The following GALNT13 variants were observed in gnomAD, a reference collection of about 807,000 sequenced individuals.
The protein encoded by GALNT13 is UDP-GalNAc:polypeptide N-acetylgalactosaminyltransferase 13.
A neutral mutation model predicts 64.2 loss-of-function variants in GALNT13; 28 were observed. That is an observed-to-expected ratio of 0.44 (90% CI 0.32 to 0.60). The LOEUF (loss-of-function observed/expected upper bound fraction) is 0.60. GALNT13 is among the 20% of genes least tolerant of loss of function. The pLI, the probability that GALNT13 is intolerant of heterozygous loss-of-function variation, is 0.05. For missense variants in GALNT13, 577 were observed against 669.8 expected (o/e 0.86, Z 1.53); for synonymous variants, 214 against 224.6 (o/e 0.95, Z 0.42).
chr2:153,736,786 C>T, the GALNT13 span, among the ~76,000 whole-genome samples: 33 of 152,114 alleles, frequency 2.2e-4, 1 homozygote, highest in African/African-American at 7.2e-4. Context: ...TTGACATTAT[C>T]TTCAGTCTAT....
chr2:153,290,677 C>G, the GALNT13 span, among the ~76,000 whole-genome samples: 1 of 152,144 alleles, frequency 6.6e-6, no homozygotes, highest in Non-Finnish European at 1.5e-5. Flanking sequence ...GAGGACAAGA[C>G]CAAGGCATTT....
chr2:154,259,689 A>G (rs1452242138), intron 8 of GALNT13, among the ~76,000 whole-genome samples: 2 of 152,182 alleles, frequency 1.3e-5, no homozygotes, highest in African/African-American at 2.4e-5. Flanking sequence ...GTCCTTACGA[A>G]TATGTTATTA....
intron 3 of GALNT13, among the ~76,000 whole-genome samples, chr2:154,054,024 T>G (rs986931349): frequency 6.6e-6 from 1 of 152,152 alleles, no homozygotes; most frequent in Non-Finnish European, 1.5e-5. Flanking sequence ...TCTAATTTAT[T>G]CATTTTGCCT....
chr2:153,933,441 T>C (rs544651725), intron 2 of GALNT13, among the ~76,000 whole-genome samples: 1 of 152,340 alleles, frequency 6.6e-6, no homozygotes, highest in East Asian at 1.9e-4. Context: ...ACCTTTACTT[T>C]GAGCCTATGG....
the GALNT13 span, among the ~76,000 whole-genome samples, chr2:153,706,480 C>T: frequency 6.6e-6 from 1 of 152,122 alleles, no homozygotes; most frequent in Non-Finnish European, 1.5e-5. Context: ...TTAAATTTAT[C>T]AAATGACTTC....
the GALNT13 span, among the ~76,000 whole-genome samples, chr2:153,296,794 C>T: frequency 6.6e-6 from 1 of 151,514 alleles, no homozygotes; most frequent in South Asian, 2.1e-4. Context: ...AATGGATTCT[C>T]AATTTTTTTT....
intron 3 of GALNT13, among the ~76,000 whole-genome samples, chr2:154,045,902 AAAGTCTTTTTCTTTCTCTGTCTAGT>A (rs777031529): frequency 4.3e-4 from 65 of 152,152 alleles, no homozygotes; most frequent in Admixed American, 8.5e-4. Context: ...TATTGCCGTT[AAAGTCTTTTTCTTTCTCTGTCTAGT>A]AAGTCTTTTT....
At chr2:153,732,933 C>T in the GALNT13 span, among the ~76,000 whole-genome samples, 17 of 152,174 alleles carry the variant, frequency 1.1e-4, no homozygotes, top group African/African-American at 3.9e-4. Flanking sequence ...CAGAGAAGAA[C>T]CGCTTACTCT....
At chr2:153,222,647 C>T in the GALNT13 span, among the ~76,000 whole-genome samples, 2 of 152,192 alleles carry the variant, frequency 1.3e-5, no homozygotes, top group Non-Finnish European at 2.9e-5. Flanking sequence ...GAGCTGCCCT[C>T]AGGTCACTGG....
intron 1 of GALNT13, among the ~76,000 whole-genome samples, chr2:153,895,445 A>G (rs966485206): frequency 1.3e-5 from 2 of 152,106 alleles, no homozygotes; most frequent in African/African-American, 4.8e-5. Context: ...TTTCCGTATA[A>G]ACAATTTTTC....
At chr2:153,490,050 A>G in the GALNT13 span, among the ~76,000 whole-genome samples, 1 of 152,104 alleles carries the variant, frequency 6.6e-6, no homozygotes, top group East Asian at 1.9e-4. Context: ...CAGCAATGCA[A>G]CATTCAGTGA....
At chr2:153,345,660 TTTC>T in the GALNT13 span, among the ~76,000 whole-genome samples, 1 of 139,920 alleles carries the variant, frequency 7.1e-6, no homozygotes, top group Non-Finnish European at 1.5e-5. Context: ...TCTTTCTTTC[TTTC>T]TTTCTTTCTT....
At chr2:153,665,921 A>G in the GALNT13 span, among the ~76,000 whole-genome samples, 1 of 152,144 alleles carries the variant, frequency 6.6e-6, no homozygotes, top group African/African-American at 2.4e-5. Flanking sequence ...GCAGTGAAGA[A>G]TGGACAGGGA....
chr2:154,375,799 T>C lies in GALNT13; in HGVS notation c.1157-20192T>C, dbSNP rs191809935. On this transcript the variant is annotated intron_variant, in intron 9 of 12. Coordinates refer to ENST00000392825, the MANE Select transcript of GALNT13 (RefSeq NM_052917.4). ...AGGGATTAGCAAATCCGACTGCATG[T>C]ATGCTTTTGAAGCAGCTTTAAGTTT... 3.1e-3 allele frequency among the ~76,000 whole-genome samples: 466 copies of C among 152,330 alleles called. 4 individuals are homozygous for C. The highest frequency in any genetic ancestry group is 0.01 in the African/African-American group (431 of 41,584).
the GALNT13 span, among the ~76,000 whole-genome samples, chr2:153,440,879 T>A: frequency 2.0e-5 from 3 of 152,158 alleles, no homozygotes; most frequent in Non-Finnish European, 4.4e-5. Flanking sequence ...ATGCAAAAAA[T>A]TTTCCGATTC....
intron 3 of GALNT13, among the ~76,000 whole-genome samples, chr2:154,008,711 G>T (rs1363308665): frequency 6.6e-6 from 1 of 152,078 alleles, no homozygotes; most frequent in Non-Finnish European, 1.5e-5. Flanking sequence ...GTGTTAGTTT[G>T]CTTAGGATAA....
At chr2:154,410,720 T>A (rs925430116) in intron 11 of GALNT13, among the ~76,000 whole-genome samples, 2 of 151,420 alleles carry the variant, frequency 1.3e-5, no homozygotes, top group African/African-American at 4.8e-5. Flanking sequence ...GTGCCAGCCA[T>A]AATCTGTTTG....
the GALNT13 span, among the ~76,000 whole-genome samples, chr2:153,646,729 T>G: frequency 1.3e-5 from 2 of 152,156 alleles, no homozygotes; most frequent in African/African-American, 4.8e-5. Context: ...TTTTTCGTCC[T>G]TGCGATAGTT....
chr2:153,186,614 G>A, the GALNT13 span, among the ~76,000 whole-genome samples: 1 of 151,918 alleles, frequency 6.6e-6, no homozygotes, highest in Non-Finnish European at 1.5e-5. Flanking sequence ...TGTTGCCCAG[G>A]CTGGAGTGCA....
Sources: gnomAD v4.1 joint callset for allele counts (sites outside exome capture counted in the v4.1 genomes callset) on GRCh38, gnomAD v4.1.1 for gene constraint, MANE v1.5 for transcripts, NCBI Gene and HGNC (gene_info 2026-07-23, HGNC 2026-07-21) for gene names.